RTF2: variants seen among roughly 807,000 people sequenced by gnomAD.
RTF2 encodes the protein UPF0549 protein C20orf43.
A neutral mutation model predicts 38.0 loss-of-function variants in RTF2; 18 were observed. That is an observed-to-expected ratio of 0.47 (90% CI 0.33 to 0.70). The LOEUF is 0.70. Ranked by LOEUF, RTF2 falls within the 30% of genes least tolerant of loss-of-function variation. The pLI is 0.02. For synonymous variants in RTF2, 126 were observed against 137.1 expected (o/e 0.92, Z 0.57); for missense variants, 311 against 379.6 (o/e 0.82, Z 1.50).
intron 5 of RTF2, among the ~76,000 whole-genome samples, chr20:56,498,088 A>G (rs555728487): frequency 8.4e-6 from 1 of 118,640 alleles, no homozygotes; most frequent in East Asian, 2.9e-4. Flanking sequence ...TGTTGAGCAT[A>G]TTTTCATGTT....
intron 6 of RTF2, among the ~76,000 whole-genome samples, chr20:56,514,951 G>A (rs1207307916): frequency 1.3e-5 from 2 of 151,950 alleles, no homozygotes; most frequent in Admixed American, 6.6e-5. Context: ...GGAGACTGAG[G>A]CAGGGGAATC....
At chr20:56,513,155 G>A (rs1050684969) in intron 5 of RTF2, among the ~76,000 whole-genome samples, 160 bp from the exon 6 acceptor site, 2 of 152,216 alleles carry the variant, frequency 1.3e-5, no homozygotes, top group Admixed American at 6.5e-5. Flanking sequence ...ACTTTGCTGT[G>A]TGCGGGAACT....
chr20:56,476,951 A>C (rs751292225), intron 3 of RTF2, 34 bp from the exon 4 acceptor site: 3 of 1,609,216 alleles, frequency 1.9e-6, no homozygotes, highest in Non-Finnish European at 1.7e-6. Flanking sequence ...CTGTTTATCA[A>C]ATGAATTGTT....
In RTF2 at chr20:56,513,380, G is replaced by C; in HGVS notation, c.543G>C (p.Val181=). Residue 181 remains valine (V), a synonymous_variant, in exon 6 of 9, where the codon GTG becomes GTC. Transcript: ENST00000357348. ...ATGGCACCAAGGAGGATGTGGACGT[G>C]CTGAAGACAAGGATGGAGGAGAGAA... ...MLNGTKEDVD[V]LKTRMEERRL... is the part of the protein sequence containing the mutation. The C allele has an allele frequency of 2.5e-6, 4 of 1,608,840 alleles. 1 individual carries two copies. In the South Asian group the frequency reaches 4.5e-5, roughly 18 times the overall value.
chr20:56,482,418 T>C (rs2146325342), intron 4 of RTF2, among the ~76,000 whole-genome samples: 1 of 152,386 alleles, frequency 6.6e-6, no homozygotes, highest in African/African-American at 2.4e-5. Context: ...GCATGTTCAA[T>C]ATAAATGCAT....
chr20:56,491,475 C>G, intron 5 of RTF2: 1 of 863,956 alleles, frequency 1.2e-6, no homozygotes, highest in South Asian at 1.6e-5. Flanking sequence ...ATCAAGGAAT[C>G]ATTTTCCCAC....
intron 5 of RTF2, among the ~76,000 whole-genome samples, chr20:56,498,046 G>C (rs1388356315): frequency 6.6e-6 from 1 of 152,162 alleles, no homozygotes; most frequent in Non-Finnish European, 1.5e-5. Context: ...GTTCCCTGTA[G>C]TTTTACTTTG....
intron 5 of RTF2, chr20:56,497,602 G>C: frequency 7.6e-7 from 1 of 1,314,560 alleles, no homozygotes; most frequent in Non-Finnish European, 1.0e-6. Context: ...GCTCGAAGCT[G>C]GCTCATATCT....
intron 1 of RTF2, among the ~76,000 whole-genome samples, chr20:56,472,942 G>A (rs995262028): frequency 2.0e-5 from 3 of 152,038 alleles, no homozygotes; most frequent in South Asian, 4.2e-4. Context: ...GAGTTTGGGG[G>A]CAGCATGGCA....
At chr20:56,477,561 T>A (rs567133922) in intron 4 of RTF2, among the ~76,000 whole-genome samples, 48 of 152,314 alleles carry the variant, frequency 3.2e-4, no homozygotes, top group African/African-American at 1.1e-3. Flanking sequence ...CCTTTTTTTT[T>A]AAGTAGAAAT....
chr20:56,506,325 T>C (rs1360934417), intron 5 of RTF2, among the ~76,000 whole-genome samples: 1 of 152,142 alleles, frequency 6.6e-6, no homozygotes, highest in Non-Finnish European at 1.5e-5. Context: ...CATGGGGTAC[T>C]GCACAGGAAA....
At chr20:56,477,272 C>T (rs1260223270) in intron 4 of RTF2, 148 bp downstream of exon 4, 1 of 828,504 alleles carries the variant, frequency 1.2e-6, no homozygotes, top group Non-Finnish European at 1.9e-6. Context: ...GGTGCTTGGT[C>T]ATGAGCACGT....
At chr20:56,483,916 C>A (rs1187882378) in intron 4 of RTF2, among the ~76,000 whole-genome samples, 195 bp from the exon 5 acceptor site, 2 of 151,838 alleles carry the variant, frequency 1.3e-5, no homozygotes, top group African/African-American at 4.8e-5. Flanking sequence ...CAGTTTTGAT[C>A]TTTTTTTTAT....
intron 2 of RTF2, 137 bp downstream of exon 2, chr20:56,473,532 C>CTGAACATAGTTCTGTG (rs1982079014): frequency 1.6e-6 from 1 of 619,908 alleles, no homozygotes; most frequent in Non-Finnish European, 2.9e-6. Flanking sequence ...TTCCCTGTCT[C>CTGAACATAGTTCTGTG]TGAACATAGT....
At chr20:56,490,852 A>T (rs1983080950) in intron 5 of RTF2, among the ~76,000 whole-genome samples, 1 of 152,236 alleles carries the variant, frequency 6.6e-6, no homozygotes. Context: ...CTTAATTTTT[A>T]AAAATTAAAT....
intron 1 of RTF2, chr20:56,471,698 G>T (rs1440903490): frequency 2.0e-5 from 3 of 152,188 alleles, no homozygotes; most frequent in Non-Finnish European, 2.9e-5. Context: ...GCTTTTTCGG[G>T]GGAAACAATT....
rs2146389777 is a variant in RTF2 at position 56,519,244 on chromosome 20, TGGTGGGAGGTGAAC to T, written c.*980_*993del. The T allele has an allele frequency of 6.6e-6, 1 of 152,108 alleles. No homozygotes were observed. The highest frequency in any genetic ancestry group is 1.5e-5 in the Non-Finnish European group (1 of 68,052). The allele number at this position is 152,108 out of a possible 1,614,324, so 9.4% of individuals were successfully genotyped here. A position where few individuals can be genotyped will look rare whatever the true frequency, so the allele number is the denominator to read the frequency against. ...AGCAGAAGGAGCTGTGGGAGGTGAA[TGGTGGGAGGTGAAC>T]AGGCAGGTTCTGTGGGAGACACAGA... On this transcript the variant is annotated 3_prime_UTR_variant, in exon 9 of 9. Coordinates refer to ENST00000357348, the MANE Select transcript of RTF2 (RefSeq NM_016407.5).
At chr20:56,484,396 G>C (rs544033090) in intron 5 of RTF2, among the ~76,000 whole-genome samples, 1 of 152,230 alleles carries the variant, frequency 6.6e-6, no homozygotes, top group African/African-American at 2.4e-5. Flanking sequence ...GACCACACGA[G>C]GGCTGTTTCC....
At chr20:56,471,384 C>T (rs945369241) in intron 1 of RTF2, among the ~76,000 whole-genome samples, 2 of 152,184 alleles carry the variant, frequency 1.3e-5, no homozygotes, top group South Asian at 4.1e-4. Flanking sequence ...CTGGCTAACA[C>T]AGTGAAACCC....
Sources: allele counts gnomAD v4.1 joint callset (sites outside exome capture counted in the v4.1 genomes callset), GRCh38; gene constraint gnomAD v4.1.1; transcripts MANE v1.5; gene names NCBI Gene and HGNC (gene_info 2026-07-23, HGNC 2026-07-21).